Variants in MMP26 observed in about 807,000 individuals in gnomAD.
MMP26 encodes matrix metalloproteinase-26.
A neutral mutation model predicts 31.0 loss-of-function variants in MMP26; 33 were observed. The observed-to-expected ratio is 1.06, with a 90% CI of 0.81 to 1.42. MMP26 has a LOEUF of 1.42. Ranked by LOEUF, MMP26 falls within the 40% of genes most tolerant of loss-of-function variation. The pLI is 0.00. For missense variants in MMP26, 347 were observed against 316.1 expected, an observed-to-expected ratio of 1.10 and a Z score of -0.74; for synonymous variants, 122 against 114.9, an observed-to-expected ratio of 1.06 and a Z score of -0.40.
At chr11:4,962,186 T>G (rs1208716198) in intron 2 of MMP26, among the ~76,000 whole-genome samples, 1 of 152,196 alleles carries the variant, frequency 6.6e-6, no homozygotes, top group Non-Finnish European at 1.5e-5. Context: ...ATTGCTGTTT[T>G]GTCTCCTCCC....
At position 4,749,407 on chromosome 11, in the gene MMP26, AT is replaced by A. The variant is rs545916360; in HGVS notation, c.-216-17856del. Among the ~76,000 whole-genome samples the A allele has an allele frequency of 4.6e-5, 7 of 152,040 alleles. No individual in the cohort carries two copies. In the East Asian group the frequency reaches 1.2e-3, roughly 25 times the overall value. ...TAATACCTAACAAATTACAAAAATC[AT>A]TTTTTTCACAGAATTAAAAAAAAAT... On this transcript the variant is annotated intron_variant, in intron 1 of 7. Transcript: ENST00000380390.
chr11:4,869,201 G>A (rs1850278660), intron 2 of MMP26, among the ~76,000 whole-genome samples: 1 of 152,138 alleles, frequency 6.6e-6, no homozygotes, highest in African/African-American at 2.4e-5. Flanking sequence ...GGCAACAAAA[G>A]CCAAAATGGA....
At chr11:4,797,844 A>G (rs957567326) in intron 2 of MMP26, among the ~76,000 whole-genome samples, 13 of 152,166 alleles carry the variant, frequency 8.5e-5, no homozygotes, top group Non-Finnish European at 1.6e-4. Context: ...GATTTCTTAG[A>G]ATTAATTCCT....
chr11:4,794,211 A>C (rs1849071778), intron 2 of MMP26: 1 of 152,272 alleles, frequency 6.6e-6, no homozygotes, highest in Admixed American at 6.5e-5. Context: ...GCAGAAGGGC[A>C]TCTAGGAGAA....
intron 1 of MMP26, chr11:4,723,923 TG>T: frequency 2.1e-6 from 2 of 930,782 alleles, no homozygotes; most frequent in Non-Finnish European, 1.8e-6. Flanking sequence ...ATGGCCTGGA[TG>T]TTGGGATCTA....
At chr11:4,908,479 A>AC in intron 2 of MMP26, 1 of 660,422 alleles carries the variant, frequency 1.5e-6, no homozygotes, top group East Asian at 2.7e-5. Flanking sequence ...GATAGAAAAA[A>AC]AAGTCAAGAG....
intron 2 of MMP26, among the ~76,000 whole-genome samples, chr11:4,916,099 A>G (rs1851086776): frequency 6.6e-6 from 1 of 151,890 alleles, no homozygotes. Context: ...CGGGCGGATC[A>G]TGAGGTCAGG....
In MMP26 at chr11:4,722,174, C is replaced by T. The variant is rs367925143; in HGVS notation, c.-217+17129C>T. On this transcript the variant is annotated intron_variant, in intron 1 of 7. Coordinates refer to ENST00000380390, the MANE Select transcript of MMP26 (RefSeq NM_021801.5). ...CTCTTTTCTTTATAAGTTACCCAGT[C>T]TCAGGTATTTATTTATAGCAGTGTG... 8.6e-4 allele frequency among the ~76,000 whole-genome samples: 131 copies of T among 152,296 alleles called. 2 individuals are homozygous for T. The highest frequency in any genetic ancestry group is 2.9e-3 in the African/African-American group (121 of 41,574).
chr11:4,974,753 C>T (rs1053667210), intron 2 of MMP26, among the ~76,000 whole-genome samples: 16 of 152,112 alleles, frequency 1.1e-4, no homozygotes, highest in East Asian at 5.8e-4. Flanking sequence ...GGTACATGTA[C>T]GCCACAGAAT....
At chr11:4,782,304 CTTG>C (rs1242972999) in intron 2 of MMP26, among the ~76,000 whole-genome samples, 2 of 152,094 alleles carry the variant, frequency 1.3e-5, no homozygotes, top group Non-Finnish European at 2.9e-5. Flanking sequence ...AGATGAGGAA[CTTG>C]TTGGGAATTG....
At chr11:4,820,782 G>A (rs966307366) in intron 2 of MMP26, among the ~76,000 whole-genome samples, 2 of 152,098 alleles carry the variant, frequency 1.3e-5, no homozygotes, top group African/African-American at 2.4e-5. Context: ...TGCAAAATTC[G>A]TGTACGATCT....
At chr11:4,988,591 A>G (rs1846941813) in intron 3 of MMP26, among the ~76,000 whole-genome samples, 1 of 152,062 alleles carries the variant, frequency 6.6e-6, no homozygotes, top group Non-Finnish European at 1.5e-5. Flanking sequence ...AGTCTTCTAT[A>G]TGGCATAGAG....
chr11:4,976,809 C>T (rs545385067), intron 2 of MMP26, among the ~76,000 whole-genome samples: 4 of 152,108 alleles, frequency 2.6e-5, no homozygotes, highest in African/African-American at 9.6e-5. Flanking sequence ...CCTATGAGAC[C>T]TATTCTTCTT....
intron 2 of MMP26, among the ~76,000 whole-genome samples, chr11:4,963,870 G>T (rs982857209): frequency 1.3e-5 from 2 of 152,074 alleles, no homozygotes; most frequent in Admixed American, 1.3e-4. Context: ...TGATCAGTGA[G>T]GTTGAGCTTT....
intron 1 of MMP26, chr11:4,723,937 TC>T: frequency 1.2e-6 from 1 of 844,002 alleles, no homozygotes. Flanking sequence ...GGGATCTACC[TC>T]CAGGTTAAGG....
At chr11:4,815,873 TA>T (rs1447426247) in intron 2 of MMP26, among the ~76,000 whole-genome samples, 1 of 152,212 alleles carries the variant, frequency 6.6e-6, no homozygotes, top group Non-Finnish European at 1.5e-5. Context: ...ATTTCAGTCC[TA>T]ATGAGTCAGA....
chr11:4,895,745 G>A (rs12805172), intron 2 of MMP26, among the ~76,000 whole-genome samples: 12,876 of 152,216 alleles, frequency 0.085, 677 homozygotes, highest in Non-Finnish European at 0.12. Flanking sequence ...GCAACATAGG[G>A]AGACCCTATC....
In MMP26 at chr11:4,942,089, C is replaced by CAAAAAAAAAAAAAAAAAAAAAAAAAAAA. The variant is rs201626472; in HGVS notation, c.-144-45958_-144-45957insAAAAAAAAAAAAAAAAAAAAAAAAAAAA. On this transcript the variant is annotated intron_variant, in intron 2 of 7. Transcript: ENST00000380390. Reference sequence around the variant, plus strand: ...TGGGCAGCAGAATGAGAGTCCATCTCAAAAAAAAAAAAAAAAAAAAAGGAA... The same window carrying CAAAAAAAAAAAAAAAAAAAAAAAAAAAA: ...TGGGCAGCAGAATGAGAGTCCATCTCAAAAAAAAAAAAAAAAAAAAAAAAAAAAAAAAAAAAAAAAAAAAAAAAAGGAA... Among the ~76,000 whole-genome samples, 76 of 37,120 alleles carry CAAAAAAAAAAAAAAAAAAAAAAAAAAAA rather than the reference C, an allele frequency of 2.0e-3. 2 individuals are homozygous for CAAAAAAAAAAAAAAAAAAAAAAAAAAAA. Among genetic ancestry groups the CAAAAAAAAAAAAAAAAAAAAAAAAAAAA allele is most frequent in the Middle Eastern group, 0.012 (1 of 86 alleles). 24.4% of individuals were successfully genotyped at this position (37,120 alleles called of 152,430 possible). A position where few individuals can be genotyped will look rare whatever the true frequency, so the allele number is the denominator to read the frequency against.
At chr11:4,755,359 G>A (rs565994272) in intron 1 of MMP26, among the ~76,000 whole-genome samples, 6 of 152,060 alleles carry the variant, frequency 3.9e-5, no homozygotes, top group Admixed American at 2.0e-4. Context: ...TAGATATAAA[G>A]TCAAAATATC....
Sources: gnomAD v4.1 joint callset for allele counts (sites outside exome capture counted in the v4.1 genomes callset) on GRCh38, gnomAD v4.1.1 for gene constraint, MANE v1.5 for transcripts, NCBI Gene and HGNC (gene_info 2026-07-23, HGNC 2026-07-21) for gene names.